Variants in ERICH6B observed in about 807,000 individuals in gnomAD.
ERICH6B encodes the protein glutamate rich 6B.
Under a neutral mutation model 80.0 loss-of-function variants are expected in ERICH6B, and 69 were observed. The observed-to-expected ratio is 0.86, with a 90% CI of 0.71 to 1.05. The LOEUF is 1.05. Ranked by LOEUF, ERICH6B falls within the 50% of genes least tolerant of loss-of-function variation. The pLI is 0.00. For synonymous variants in ERICH6B, 283 were observed against 291.9 expected (o/e 0.97, Z 0.31); for missense variants, 754 against 796.1 (o/e 0.95, Z 0.64).
intron 5 of ERICH6B, among the ~76,000 whole-genome samples, chr13:45,583,143 T>G (rs1399606733): frequency 3.3e-5 from 5 of 152,262 alleles, no homozygotes; most frequent in Non-Finnish European, 5.9e-5. Flanking sequence ...CTAATTTTGT[T>G]GCACTCTTTT....
chr13:45,570,194 T>C (rs937010491), intron 8 of ERICH6B, among the ~76,000 whole-genome samples: 5 of 152,176 alleles, frequency 3.3e-5, no homozygotes, highest in Admixed American at 3.3e-4. Flanking sequence ...ATTGGGGACC[T>C]CACTGATGAG....
chr13:45,550,006 C>T lies in ERICH6B; in HGVS notation c.1533G>A (p.Ala511=), dbSNP rs762743610. 4.4e-5 allele frequency: 68 copies of T among 1,551,852 alleles called. No homozygotes were observed. In the Middle Eastern group the frequency reaches 5.0e-4, roughly 11 times the overall value. The change falls in exon 13 of 15, where the codon GCG becomes GCA. Residue 511 remains alanine, a synonymous_variant. Coordinates refer to ENST00000298738, the MANE Select transcript of ERICH6B (RefSeq NM_182542.3). ...TGATGTATGTGAACTTTTTCATTTT[C>T]GCATATAAGATGAGCATAGCCAGGT... ...SGNLAMLILY[A]KMKKFTYIIL...
chr13:45,606,499 G>GTGTATA (rs1289411408), intron 2 of ERICH6B, among the ~76,000 whole-genome samples: 1 of 40,778 alleles, frequency 2.5e-5, no homozygotes, highest in Non-Finnish European at 4.1e-5. Flanking sequence ...TCCCAAAAGT[G>GTGTATA]TATGTGTATA....
At chr13:45,612,552 C>T (rs983215451) in intron 1 of ERICH6B, among the ~76,000 whole-genome samples, 1 of 152,146 alleles carries the variant, frequency 6.6e-6, no homozygotes, top group Non-Finnish European at 1.5e-5. Context: ...GGGCAGTCCC[C>T]ACTTAATTAA....
At chr13:45,546,069 T>C (rs1247136108) in intron 13 of ERICH6B, among the ~76,000 whole-genome samples, 2 of 152,176 alleles carry the variant, frequency 1.3e-5, no homozygotes, top group Admixed American at 1.3e-4. Context: ...AGGGACCTTG[T>C]CTGTCTGCTG....
At chr13:45,546,537 C>T (rs1002940425) in intron 13 of ERICH6B, among the ~76,000 whole-genome samples, 11 of 152,272 alleles carry the variant, frequency 7.2e-5, no homozygotes, top group East Asian at 1.9e-4. Context: ...CAGGCTTTGA[C>T]GCCCGTAGCT....
chr13:45,609,083 G>A (rs1311891875), intron 1 of ERICH6B, among the ~76,000 whole-genome samples: 1 of 152,220 alleles, frequency 6.6e-6, no homozygotes, highest in Non-Finnish European at 1.5e-5. Flanking sequence ...TTCTATGGCA[G>A]TCTTTCTGCT....
intron 2 of ERICH6B, among the ~76,000 whole-genome samples, chr13:45,606,196 C>G (rs1949858405): frequency 6.6e-6 from 1 of 152,172 alleles, no homozygotes; most frequent in Non-Finnish European, 1.5e-5. Context: ...TCCGCAGTTA[C>G]AAGTTGACTG....
At chr13:45,576,691 T>C (rs73466512) in intron 7 of ERICH6B, among the ~76,000 whole-genome samples, 17,432 of 152,048 alleles carry the variant, frequency 0.11, 2,945 homozygotes, top group African/African-American at 0.37. Flanking sequence ...CTTCCCATCA[T>C]TTGCGATTGC....
intron 7 of ERICH6B, among the ~76,000 whole-genome samples, chr13:45,579,338 C>G (rs1875557973): frequency 6.6e-6 from 1 of 152,024 alleles, no homozygotes; most frequent in South Asian, 2.1e-4. Flanking sequence ...CTCCCACTAC[C>G]CCTATGTTCA....
intron 1 of ERICH6B, among the ~76,000 whole-genome samples, chr13:45,609,375 C>G (rs573079579): frequency 6.6e-6 from 1 of 152,314 alleles, no homozygotes; most frequent in Admixed American, 6.5e-5. Flanking sequence ...TCTTCCAACA[C>G]CTGGCTCATT....
At chr13:45,548,589 G>T (rs1373949849) in intron 13 of ERICH6B, among the ~76,000 whole-genome samples, 1 of 152,172 alleles carries the variant, frequency 6.6e-6, no homozygotes, top group Non-Finnish European at 1.5e-5. Flanking sequence ...GCCGTGAAAG[G>T]ATACACAGGG....
At chr13:45,559,587 G>A (rs1199868751) in intron 11 of ERICH6B, among the ~76,000 whole-genome samples, 1 of 151,968 alleles carries the variant, frequency 6.6e-6, no homozygotes, top group Non-Finnish European at 1.5e-5. Flanking sequence ...GTTTCGTTAG[G>A]TTGTGTCACT....
intron 11 of ERICH6B, among the ~76,000 whole-genome samples, chr13:45,552,275 C>T (rs1349327263): frequency 1.3e-5 from 2 of 152,094 alleles, no homozygotes; most frequent in Non-Finnish European, 2.9e-5. Flanking sequence ...TTTGCATGTG[C>T]TTGGAAAGGG....
chr13:45,581,614 T>C (rs1434709312), intron 5 of ERICH6B, among the ~76,000 whole-genome samples: 1 of 152,200 alleles, frequency 6.6e-6, no homozygotes, highest in Non-Finnish European at 1.5e-5. Flanking sequence ...TGACCTCAGG[T>C]GATCTGCCTG....
At chr13:45,557,727 G>T (rs1394637376) in intron 11 of ERICH6B, among the ~76,000 whole-genome samples, 1 of 152,186 alleles carries the variant, frequency 6.6e-6, no homozygotes, top group African/African-American at 2.4e-5. Flanking sequence ...CTTTGTCAAA[G>T]ATCAGTTGGC....
chr13:45,550,113 T>C, intron 12 of ERICH6B, 68 bp from the exon 13 acceptor site: 1 of 1,540,336 alleles, frequency 6.5e-7, no homozygotes, highest in African/African-American at 1.4e-5. Flanking sequence ...GCCCTGCAGA[T>C]GATGCAGGCC....
intron 5 of ERICH6B, among the ~76,000 whole-genome samples, chr13:45,586,087 C>T (rs1437851995): frequency 2.4e-5 from 2 of 84,894 alleles, no homozygotes; most frequent in African/African-American, 9.4e-5. Context: ...TGCTTACTGA[C>T]TTTGAGATGG....
chr13:45,596,474 C>T lies in ERICH6B; in HGVS notation c.532G>A (p.Glu178Lys), dbSNP rs3014939. The change falls in exon 3 of 15, where the codon GAG becomes AAG. Residue 178 changes from glutamate (E) to lysine (K), a missense_variant. Physicochemically the swap from Glu to Lys is moderately conservative, Grantham distance 56. Transcript: ENST00000298738. The stretch of plus-strand genomic sequence containing the variant: ...TCTTCCTTCTCCAGAGCCTTTTCCT[C>T]TTCTAGATATGATTTCTTCCCCAGA... ...EYLGKKSYLE[E>K]EKALEKEENL... 0.46 allele frequency: 718,061 copies of T among 1,551,738 alleles called. 175,124 individuals are homozygous for T. The highest frequency in any genetic ancestry group is 0.5 in the Non-Finnish European group (577,780 of 1,146,838).
Sources: gnomAD v4.1 joint callset for allele counts (sites outside exome capture counted in the v4.1 genomes callset) on GRCh38, gnomAD v4.1.1 for gene constraint, MANE v1.5 for transcripts, NCBI Gene and HGNC (gene_info 2026-07-23, HGNC 2026-07-21) for gene names.